Variants in DLG2 observed in about 807,000 individuals in gnomAD.
DLG2 encodes the protein disks large homolog 2.
In DLG2, 45 loss-of-function variants were observed where a neutral mutation model predicts 132.5. The ratio of observed to expected loss-of-function variants is 0.34; its 90% CI spans 0.27 to 0.44. The LOEUF (loss-of-function observed/expected upper bound fraction) is 0.44. DLG2 is among the 20% of genes least tolerant of loss of function. The pLI is 1.00. For missense variants in DLG2, 1,045 were observed against 1,196.9 expected, an observed-to-expected ratio of 0.87 and a Z score of 1.87; for synonymous variants, 424 against 419.6, an observed-to-expected ratio of 1.01 and a Z score of -0.13.
At chr11:84,886,970 C>G (rs2088437781) in intron 6 of DLG2, among the ~76,000 whole-genome samples, 1 of 152,066 alleles carries the variant, frequency 6.6e-6, no homozygotes. Context: ...CATTCAGATT[C>G]TAATTATATC....
intron 6 of DLG2, among the ~76,000 whole-genome samples, chr11:84,984,022 A>G (rs2056140718): frequency 6.6e-6 from 1 of 152,204 alleles, no homozygotes; most frequent in Non-Finnish European, 1.5e-5. Flanking sequence ...TTAAACAACC[A>G]AACTTAAGAA....
chr11:83,458,047 C>T lies in DLG2; in HGVS notation c.*1771G>A, dbSNP rs992321942. On this transcript the variant is annotated 3_prime_UTR_variant, in exon 28 of 28. Transcript: ENST00000376104. ...TTCTTACTGTGAAGAAGCCCCATCA[C>T]TCTGATGGCTCTATCTCTTGCTCTC... The T allele has an allele frequency of 6.6e-6, 1 of 152,664 alleles. No individual in the cohort carries two copies. Among genetic ancestry groups the T allele is most frequent in the Non-Finnish European group, 1.5e-5 (1 of 68,046 alleles). 9.5% of individuals were successfully genotyped at this position (152,664 alleles called of 1,614,324 possible). A position where few individuals can be genotyped will look rare whatever the true frequency, so the allele number is the denominator to read the frequency against.
intron 7 of DLG2, chr11:84,316,685 G>T: frequency 1.1e-6 from 1 of 918,978 alleles, no homozygotes; most frequent in Non-Finnish European, 1.6e-6. Flanking sequence ...GTGTGAAAAT[G>T]ACAGGTTTTT....
chr11:85,021,256 G>A, intron 6 of DLG2: 3 of 1,292,274 alleles, frequency 2.3e-6, no homozygotes, highest in African/African-American at 1.5e-5. Flanking sequence ...AGGAGGAGGA[G>A]GAGGAGGTAC....
rs1325758795 is a variant in DLG2, at chr11:84,869,399, C to G, written c.357+242262G>C. On this transcript the variant is annotated intron_variant, in intron 6 of 27. Transcript: ENST00000376104. ...CCTTCACATGTCACGGGCAAGATGA[C>G]AAGGATGAGTTAAGATAGTTCTGTT... Among the ~76,000 whole-genome samples the G allele has an allele frequency of 2.0e-5, 3 of 152,232 alleles. No individual in the cohort carries two copies. The East Asian group carries it at 5.8e-4, about 29-fold the overall frequency.
intron 6 of DLG2, among the ~76,000 whole-genome samples, chr11:84,682,804 C>G (rs769901014): frequency 6.6e-6 from 1 of 152,164 alleles, no homozygotes; most frequent in Non-Finnish European, 1.5e-5. Flanking sequence ...ACCAGCTGCT[C>G]TATTGCCTCT....
chr11:84,117,007 A>G (rs1285874141), intron 9 of DLG2, among the ~76,000 whole-genome samples: 1 of 152,160 alleles, frequency 6.6e-6, no homozygotes. Context: ...TTTACTTTGT[A>G]AATATATGGT....
chr11:83,481,458 C>T (rs1208046793), intron 22 of DLG2, among the ~76,000 whole-genome samples: 4 of 152,034 alleles, frequency 2.6e-5, no homozygotes, highest in South Asian at 4.1e-4. Context: ...AATAGTTATA[C>T]ATTTTTAGAA....
intron 6 of DLG2, among the ~76,000 whole-genome samples, chr11:84,712,062 A>G (rs1596299876): frequency 6.6e-6 from 1 of 152,236 alleles, no homozygotes; most frequent in Admixed American, 6.5e-5. Context: ...ACATGCCATA[A>G]GAGTCCAGGG....
At chr11:84,779,991 A>G (rs2071423350) in intron 6 of DLG2, among the ~76,000 whole-genome samples, 1 of 151,990 alleles carries the variant, frequency 6.6e-6, no homozygotes, top group Admixed American at 6.6e-5. Flanking sequence ...TCCTCCTAAA[A>G]TCGTTCAAAT....
intron 6 of DLG2, among the ~76,000 whole-genome samples, chr11:84,817,444 A>T (rs139672599): frequency 6.6e-6 from 1 of 152,086 alleles, no homozygotes; most frequent in African/African-American, 2.4e-5. Context: ...GAAGAGCTCT[A>T]GATGTGCCCA....
intron 11 of DLG2, among the ~76,000 whole-genome samples, chr11:84,013,007 G>T (rs1352786811): frequency 6.6e-6 from 1 of 152,134 alleles, no homozygotes; most frequent in Non-Finnish European, 1.5e-5. Flanking sequence ...AAGCTGGGTT[G>T]TCTGTCCCTA....
chr11:84,454,854 A>T (rs2099061157), intron 7 of DLG2, among the ~76,000 whole-genome samples: 1 of 151,402 alleles, frequency 6.6e-6, no homozygotes, highest in African/African-American at 2.4e-5. Flanking sequence ...AAGGCTTTAC[A>T]CAAGAGCAAA....
intron 7 of DLG2, among the ~76,000 whole-genome samples, chr11:84,433,917 G>A (rs2098992541): frequency 6.6e-6 from 1 of 152,026 alleles, no homozygotes; most frequent in African/African-American, 2.4e-5. Flanking sequence ...AGGAGTTCGA[G>A]ACCACTTTGG....
chr11:83,973,324 C>A (rs749370185), intron 12 of DLG2, among the ~76,000 whole-genome samples: 48 of 151,670 alleles, frequency 3.2e-4, no homozygotes, highest in Non-Finnish European at 6.2e-4. Flanking sequence ...TGAGTATAAG[C>A]AAAATAAAAA....
chr11:84,514,075 C>T (rs987026241), intron 7 of DLG2, among the ~76,000 whole-genome samples: 2 of 152,034 alleles, frequency 1.3e-5, no homozygotes, highest in African/African-American at 2.4e-5. Context: ...ACATGACAAA[C>T]AGGCCTATGG....
intron 10 of DLG2, among the ~76,000 whole-genome samples, chr11:84,093,720 T>C (rs1357331675): frequency 6.6e-6 from 1 of 152,072 alleles, no homozygotes; most frequent in South Asian, 2.1e-4. Flanking sequence ...GTTCAAGCCA[T>C]TCTCCTGCCT....
intron 18 of DLG2, among the ~76,000 whole-genome samples, chr11:83,643,988 CT>C (rs1248393361): frequency 6.6e-6 from 1 of 152,090 alleles, no homozygotes; most frequent in African/African-American, 2.4e-5. Flanking sequence ...TCTGATATGA[CT>C]ATAGATACAT....
chr11:84,363,893 T>G lies in DLG2; in HGVS notation c.520-112602A>C, dbSNP rs544251737. On this transcript the variant is annotated intron_variant, in intron 7 of 27. Transcript: ENST00000376104. ...TATCTCTGTTTTGGTACCAGTACCA[T>G]GCTGTTTTGGTTACTGTAGCCTTGT... Among the ~76,000 whole-genome samples, 496 of 152,298 alleles carry G rather than the reference T, an allele frequency of 3.3e-3. 2 individuals are homozygous for G. Among genetic ancestry groups the G allele is most frequent in the Non-Finnish European group, 5.7e-3 (387 of 68,024 alleles).
Sources: allele counts gnomAD v4.1 joint callset (sites outside exome capture counted in the v4.1 genomes callset), GRCh38; gene constraint gnomAD v4.1.1; transcripts MANE v1.5; gene names NCBI Gene and HGNC (gene_info 2026-07-23, HGNC 2026-07-21).